Variants in VASH2 observed in about 807,000 individuals in gnomAD.
The protein encoded by VASH2 is vasohibin 2.
A neutral mutation model predicts 37.2 loss-of-function variants in VASH2; 28 were observed. The ratio of observed to expected loss-of-function variants is 0.75; its 90% CI spans 0.56 to 1.03. The LOEUF is 1.03. Among genes scored for constraint, VASH2 ranks in the 50% least tolerant of loss-of-function variants. The probability of loss-of-function intolerance (pLI) is 0.00; values close to 1 mark genes in which losing one functional copy is unlikely to be tolerated. For synonymous variants in VASH2, 188 were observed against 174.7 expected, an observed-to-expected ratio of 1.08 and a Z score of -0.60; for missense variants, 419 against 459.1, an observed-to-expected ratio of 0.91 and a Z score of 0.80.
Position 212,990,243 on chromosome 1 carries a change from C to G in VASH2, c.*1659C>G, listed in dbSNP as rs1345126536. On this transcript the variant is annotated 3_prime_UTR_variant, in exon 8 of 8. Coordinates refer to ENST00000517399, the MANE Select transcript of VASH2 (RefSeq NM_001301056.2). ...AGAAGTCGAATGTCCTTTAGATGAA[C>G]AAGACCAAGTATACATCTCCATTAG... The G allele has an allele frequency of 6.6e-6, 1 of 152,132 alleles. No homozygotes were observed. The highest frequency in any genetic ancestry group is 6.6e-5 in the Admixed American group (1 of 15,266). The allele number at this position is 152,132 out of a possible 1,614,324, so 9.4% of individuals were successfully genotyped here. A position where few individuals can be genotyped will look rare whatever the true frequency, so the allele number is the denominator to read the frequency against.
At chr1:212,984,727 GTC>G (rs1223114483) in intron 7 of VASH2, among the ~76,000 whole-genome samples, 1 of 152,214 alleles carries the variant, frequency 6.6e-6, no homozygotes, top group African/African-American at 2.4e-5. Flanking sequence ...GAACAAGACA[GTC>G]TCTTGTTAAG....
chr1:212,972,179 C>G (rs892690271), intron 5 of VASH2, among the ~76,000 whole-genome samples: 11 of 152,084 alleles, frequency 7.2e-5, no homozygotes, highest in Non-Finnish European at 7.4e-5. Context: ...GCAAGAATAC[C>G]TAAGCTAGGA....
intron 7 of VASH2, among the ~76,000 whole-genome samples, chr1:212,979,973 T>G (rs1206855683): frequency 6.6e-6 from 1 of 152,174 alleles, no homozygotes; most frequent in Non-Finnish European, 1.5e-5. Context: ...GGTTCTCAAC[T>G]GGGTCAGCTC....
chr1:212,973,707 C>T (rs566909212), intron 6 of VASH2: 49 of 1,291,338 alleles, frequency 3.8e-5, no homozygotes, highest in South Asian at 2.8e-4. Context: ...TCTCTCTACA[C>T]GGCACAGGGA....
At chr1:212,981,422 T>G (rs895767716) in intron 7 of VASH2, among the ~76,000 whole-genome samples, 3 of 152,178 alleles carry the variant, frequency 2.0e-5, no homozygotes, top group African/African-American at 7.2e-5. Context: ...GAGGCCATGC[T>G]CTGCCTCTGC....
At chr1:212,952,107 C>T (rs984489768) in intron 2 of VASH2, among the ~76,000 whole-genome samples, 1 of 152,102 alleles carries the variant, frequency 6.6e-6, no homozygotes, top group Non-Finnish European at 1.5e-5. Flanking sequence ...ATTTACTCAC[C>T]CCCACATACA....
In VASH2 at chr1:212,950,564, G is replaced by C. The variant is rs189591235; in HGVS notation, c.-381G>C. ...GCATTCGGAACATCGGCGGCTGCCCGGGTGACTTGGTTATATGTCACAGAA... is the reference window on the plus strand; with the variant it reads ...GCATTCGGAACATCGGCGGCTGCCCCGGTGACTTGGTTATATGTCACAGAA... On this transcript the variant is annotated 5_prime_UTR_variant, in exon 1 of 8. Coordinates refer to ENST00000517399, the MANE Select transcript of VASH2 (RefSeq NM_001301056.2). The surrounding 1 kb of genome is among the most constrained non-coding windows in gnomAD (Gnocchi z 5.5). 0.03 allele frequency: 4,629 copies of C among 153,180 alleles called. 93 individuals are homozygous for C. Among genetic ancestry groups the C allele is most frequent in the Non-Finnish European group, 0.045 (3,056 of 68,086 alleles). 9.5% of individuals were successfully genotyped at this position (153,180 alleles called of 1,614,324 possible).
intron 7 of VASH2, among the ~76,000 whole-genome samples, 169 bp from the exon 8 acceptor site, chr1:212,988,343 T>C (rs537723069): frequency 6.6e-6 from 1 of 152,306 alleles, no homozygotes; most frequent in Admixed American, 6.5e-5. Context: ...AAAGGTGGAC[T>C]TAAGAACAAG....
intron 2 of VASH2, among the ~76,000 whole-genome samples, chr1:212,956,809 GCTTTT>G (rs1251763868): frequency 2.0e-5 from 3 of 152,092 alleles, no homozygotes; most frequent in African/African-American, 7.2e-5. Context: ...GTTATTATTT[GCTTTT>G]CTTCTTTTGT....
At chr1:212,965,263 T>A (rs1320331533) in intron 3 of VASH2, among the ~76,000 whole-genome samples, 1 of 152,162 alleles carries the variant, frequency 6.6e-6, no homozygotes, top group Non-Finnish European at 1.5e-5. Flanking sequence ...AGAATAGTTC[T>A]AGCTAGGTAT....
chr1:212,966,218 CGA>C, intron 4 of VASH2, 51 bp from the exon 5 acceptor site: 1 of 1,469,878 alleles, frequency 6.8e-7, no homozygotes, highest in Non-Finnish European at 9.3e-7. Flanking sequence ...ACAGACTGAC[CGA>C]GTGTGTAATT....
rs1237021315 is a variant in VASH2 at position 212,951,482 on chromosome 1, C to CGCCGCCGCCGCT, written c.-49_-38dup. 5 of 1,123,156 alleles carry CGCCGCCGCCGCT rather than the reference C, an allele frequency of 4.5e-6. No homozygotes were observed. The highest frequency in any genetic ancestry group is 5.5e-6 in the Non-Finnish European group (5 of 911,116). 69.6% of individuals were successfully genotyped at this position (1,123,156 alleles called of 1,614,324 possible). A position where few individuals can be genotyped will look rare whatever the true frequency, so the allele number is the denominator to read the frequency against. ...GCGCCCGCGCGCACACGCCCCCCGC[C>CGCCGCCGCCGCT]GCCGCCGCCGCTGCCGCCGCCGCGC... On this transcript the variant is annotated 5_prime_UTR_variant, in exon 2 of 8. Transcript: ENST00000517399. This position sits in a 1 kb window ranked among gnomAD's most constrained non-coding sequence, Gnocchi z 4.4.
intron 7 of VASH2, among the ~76,000 whole-genome samples, chr1:212,980,153 G>A (rs925427966): frequency 2.0e-5 from 3 of 152,154 alleles, no homozygotes; most frequent in Non-Finnish European, 2.9e-5. Context: ...TGCCAACAGC[G>A]CCCTCACTGG....
At chr1:212,959,347 C>G (rs1666599780) in intron 2 of VASH2, among the ~76,000 whole-genome samples, 1 of 152,134 alleles carries the variant, frequency 6.6e-6, no homozygotes, top group Admixed American at 6.5e-5. Flanking sequence ...CTCTCTCAGA[C>G]AGCAATGTGA....
At chr1:212,972,989 T>C (rs764530372) in intron 6 of VASH2, 28 bp downstream of exon 6, 1 of 1,595,846 alleles carries the variant, frequency 6.3e-7, no homozygotes, top group Non-Finnish European at 8.5e-7. Flanking sequence ...AAGGAAGCCA[T>C]GCAGGAGAGC....
At chr1:212,982,739 C>G (rs1053285966) in intron 7 of VASH2, among the ~76,000 whole-genome samples, 3 of 152,202 alleles carry the variant, frequency 2.0e-5, no homozygotes, top group East Asian at 3.9e-4. Flanking sequence ...GGCAGTTCAC[C>G]AGGAATCTCA....
intron 7 of VASH2, chr1:212,974,946 C>T (rs140773422): frequency 5.3e-5 from 8 of 152,280 alleles, no homozygotes; most frequent in East Asian, 1.9e-4. Flanking sequence ...CTATCTGACA[C>T]GGTGGTTTGT....
In VASH2 at chr1:212,951,569, C is replaced by T. The variant is rs768909950; in HGVS notation, c.27C>T (p.His9=). The change falls in exon 2 of 8, where the codon CAC becomes CAT. Residue 9 remains histidine (H), a synonymous_variant. Transcript: ENST00000517399. This position sits in a 1 kb window ranked among gnomAD's most constrained non-coding sequence, Gnocchi z 4.4. ...TGACCGGCTCCGCGGCCGACACTCA[C>T]CGCTGCCCCCACCCCAAAGGCGCCA... The part of the protein sequence containing the change: MTGSAADT[H]RCPHPKGAKG... 1.3e-6 allele frequency: 2 copies of T among 1,538,106 alleles called. No individual in the cohort carries two copies. Among genetic ancestry groups the T allele is most frequent in the South Asian group, 2.4e-5 (2 of 83,654 alleles).
rs1572052757 is a variant in VASH2, at chr1:212,951,666, G to A, written c.124G>A (p.Asp42Asn). 1 of 1,594,518 alleles carries A rather than the reference G, an allele frequency of 6.3e-7. No homozygotes were observed. The highest frequency in any genetic ancestry group is 8.5e-7 in the Non-Finnish European group (1 of 1,171,550). ...LATSGGSEEE[D>N]KDGGVLFHVN... Reference sequence around the variant, plus strand: ...CACCAGCGGGGGCTCAGAGGAGGAGGACAAAGACGGCGGGGTGCTGTTCCA... The same window carrying A: ...CACCAGCGGGGGCTCAGAGGAGGAGAACAAAGACGGCGGGGTGCTGTTCCA... Residue 42 changes from aspartate (D) to asparagine (N), a missense_variant, in exon 2 of 8, where the codon GAC (aspartate) becomes AAC (asparagine). Around this residue, in one of 3 missense-constraint regions of VASH2, gnomAD observed 158 missense variants for 163.0 expected, o/e 0.97. Coordinates refer to ENST00000517399, the MANE Select transcript of VASH2 (RefSeq NM_001301056.2). This position sits in a 1 kb window ranked among gnomAD's most constrained non-coding sequence, Gnocchi z 4.4.
Sources: allele counts gnomAD v4.1 joint callset (sites outside exome capture counted in the v4.1 genomes callset), GRCh38; gene constraint gnomAD v4.1.1; regional missense constraint gnomAD v4.1.1; non-coding constraint Gnocchi (gnomAD v3.1); transcripts MANE v1.5; gene names NCBI Gene and HGNC (gene_info 2026-07-23, HGNC 2026-07-21).